The following ANKRD44 variants were observed in gnomAD, a reference collection of about 807,000 sequenced individuals.
ANKRD44 encodes the protein ankyrin repeat domain 44.
ANKRD44 carries 35 observed loss-of-function variants against 116.0 expected under a neutral mutation model. The ratio of observed to expected loss-of-function variants is 0.30; its 90% confidence interval spans 0.23 to 0.40. The LOEUF (loss-of-function observed/expected upper bound fraction) is 0.40, where lower values mean the gene tolerates loss of function less well. ANKRD44 is among the 10% of genes least tolerant of loss of function. The pLI is 1.00. For synonymous variants in ANKRD44, 435 were observed against 461.8 expected (o/e 0.94, Z 0.74); for missense variants, 1,014 against 1,242.6 (o/e 0.82, Z 2.77).
chr2:197,263,296 C>A, intron 1 of ANKRD44: 1 of 652,538 alleles, frequency 1.5e-6, no homozygotes, highest in South Asian at 1.5e-5. Context: ...TGGAAAGCAG[C>A]GCCATTTCAA....
At chr2:197,183,413 A>G (rs2080565334) in intron 2 of ANKRD44, among the ~76,000 whole-genome samples, 1 of 152,168 alleles carries the variant, frequency 6.6e-6, no homozygotes, top group South Asian at 2.1e-4. Flanking sequence ...TGACATTTAA[A>G]TACATGGTTA....
intron 1 of ANKRD44, among the ~76,000 whole-genome samples, chr2:197,298,752 A>G (rs2083802086): frequency 1.3e-5 from 2 of 152,240 alleles, no homozygotes; most frequent in African/African-American, 4.8e-5. Flanking sequence ...ACTCATCTCT[A>G]CTAAAAATAC....
intron 16 of ANKRD44, among the ~76,000 whole-genome samples, chr2:197,028,299 T>C (rs1030377655): frequency 6.6e-6 from 1 of 152,104 alleles, no homozygotes; most frequent in Non-Finnish European, 1.5e-5. Flanking sequence ...CATAGCTCAC[T>C]GCAGCCTTGA....
intron 2 of ANKRD44, among the ~76,000 whole-genome samples, chr2:197,175,549 T>C (rs2080344929): frequency 6.6e-6 from 1 of 152,196 alleles, no homozygotes; most frequent in South Asian, 2.1e-4. Flanking sequence ...ATTTAGTATG[T>C]ACTAGTGTCA....
rs1309342721 is a variant in ANKRD44 at position 196,988,943 on chromosome 2, C to A, written c.*648G>T. 1 of 985,294 alleles carries A rather than the reference C, an allele frequency of 1.0e-6. No homozygotes were observed. The highest frequency in any genetic ancestry group is 1.1e-4 in the East Asian group (1 of 8,826). The allele number at this position is 985,294 out of a possible 1,614,324, so 61.0% of individuals were successfully genotyped here. ...ACTACACATCTGAGTTTTCATCTCG[C>A]AGAAGGGCATCCAGACTGCAATGTC... On this transcript the variant is annotated 3_prime_UTR_variant, in exon 28 of 28. Coordinates refer to ENST00000282272, the MANE Select transcript of ANKRD44 (RefSeq NM_001195144.2).
In ANKRD44 at chr2:196,987,082, T is replaced by A. The variant is rs1055018772; in HGVS notation, c.*2509A>T. Reference sequence around the variant, plus strand: ...CCAAATAAAAGATATTTGCATTGAATTTTTAGATCACATAAGAAACGCATA... The same window carrying A: ...CCAAATAAAAGATATTTGCATTGAAATTTTAGATCACATAAGAAACGCATA... On this transcript the variant is annotated 3_prime_UTR_variant, in exon 28 of 28. Coordinates refer to ENST00000282272, the MANE Select transcript of ANKRD44 (RefSeq NM_001195144.2). The A allele has an allele frequency of 3.0e-6, 3 of 984,780 alleles. No individual in the cohort carries two copies. The African/African-American group carries it at 5.2e-5, about 17-fold the overall frequency. 61.0% of individuals were successfully genotyped at this position (984,780 alleles called of 1,614,324 possible).
chr2:197,211,842 G>A (rs921934578), intron 1 of ANKRD44, among the ~76,000 whole-genome samples: 7 of 151,756 alleles, frequency 4.6e-5, no homozygotes, highest in Middle Eastern at 3.2e-3. Context: ...AGCAGGAGAC[G>A]ACGCAGCACA....
intron 7 of ANKRD44, 92 bp downstream of exon 7, chr2:197,122,558 C>A: frequency 1.4e-6 from 2 of 1,481,408 alleles, no homozygotes; most frequent in Non-Finnish European, 9.0e-7. Context: ...TTCCCCTGCC[C>A]TTGAATTAAA....
At chr2:197,042,886 T>G (rs949713275) in intron 16 of ANKRD44, among the ~76,000 whole-genome samples, 3 of 152,178 alleles carry the variant, frequency 2.0e-5, no homozygotes, top group Non-Finnish European at 4.4e-5. Context: ...CATATAAAAC[T>G]CACTGCAGTT....
intron 17 of ANKRD44, chr2:197,016,161 G>GT (rs1431126243): frequency 3.3e-6 from 1 of 304,226 alleles, no homozygotes. Context: ...AGTCAGAAAA[G>GT]TTACCGCAGC....
chr2:197,281,021 C>CT lies in ANKRD44; in HGVS notation c.27+29556dup, dbSNP rs756104112. Among the ~76,000 whole-genome samples the CT allele has an allele frequency of 6.2e-3, 908 of 146,818 alleles. 3 individuals are homozygous for CT. Among genetic ancestry groups the CT allele is most frequent in the South Asian group, 7.8e-3 (36 of 4,640 alleles). ...CTTTATATTAAAATCTTAAGCTCTG[C>CT]TTTTTTTTTTTGAGATATGTCTTGC... On this transcript the variant is annotated intron_variant, in intron 1 of 27. Transcript: ENST00000282272.
intron 1 of ANKRD44, among the ~76,000 whole-genome samples, chr2:197,268,206 T>C (rs2082791177): frequency 6.6e-6 from 1 of 152,242 alleles, no homozygotes; most frequent in South Asian, 2.1e-4. Context: ...AGCCCTTCTA[T>C]GCCCAGCTTC....
chr2:197,184,334 C>A (rs1196633799), intron 2 of ANKRD44, among the ~76,000 whole-genome samples: 1 of 152,146 alleles, frequency 6.6e-6, no homozygotes, highest in Non-Finnish European at 1.5e-5. Flanking sequence ...TAATTCCAAG[C>A]TGACCCATAA....
At chr2:197,288,642 C>T (rs1159449531) in intron 1 of ANKRD44, among the ~76,000 whole-genome samples, 5 of 151,680 alleles carry the variant, frequency 3.3e-5, no homozygotes, top group African/African-American at 7.3e-5. Flanking sequence ...CACATACACA[C>T]GTGATATATA....
chr2:197,015,584 G>A (rs945674857), intron 17 of ANKRD44: 14 of 530,554 alleles, frequency 2.6e-5, no homozygotes, highest in Non-Finnish European at 4.2e-5. Flanking sequence ...GGAGATGGAG[G>A]AAGTAATTTT....
At chr2:197,086,779 G>C in intron 12 of ANKRD44, 31 bp from the exon 13 acceptor site, 4 of 1,603,130 alleles carry the variant, frequency 2.5e-6, no homozygotes, top group Non-Finnish European at 3.4e-6. Context: ...TCATTAAGAT[G>C]GAAGAGATCA....
At position 197,006,239 on chromosome 2, in the gene ANKRD44, G is replaced by A. The variant is rs184155857; in HGVS notation, c.2131-329C>T. Among the ~76,000 whole-genome samples, 293 of 152,032 alleles carry A rather than the reference G, an allele frequency of 1.9e-3. 5 individuals are homozygous for A. The highest frequency in any genetic ancestry group is 0.016 in the Admixed American group (238 of 15,282). On this transcript the variant is annotated intron_variant, in intron 20 of 27. Transcript: ENST00000282272. Reference sequence around the variant, plus strand: ...AGGAGGATCACTAGGTCAGGAGATCGAGACCATCCTGGCTAACATGGTGAA... The same window carrying A: ...AGGAGGATCACTAGGTCAGGAGATCAAGACCATCCTGGCTAACATGGTGAA...
intron 25 of ANKRD44, among the ~76,000 whole-genome samples, chr2:196,996,095 G>A (rs2076006778): frequency 6.6e-6 from 1 of 152,124 alleles, no homozygotes; most frequent in African/African-American, 2.4e-5. Context: ...CCCTTTTAAG[G>A]GGTTATGGCT....
chr2:197,276,638 T>C (rs1422721818), intron 1 of ANKRD44, among the ~76,000 whole-genome samples: 2 of 152,206 alleles, frequency 1.3e-5, no homozygotes, highest in African/African-American at 4.8e-5. Flanking sequence ...TATTTTCATG[T>C]TGTTTCTCCT....
Sources: allele counts gnomAD v4.1 joint callset (sites outside exome capture counted in the v4.1 genomes callset), GRCh38; gene constraint gnomAD v4.1.1; transcripts MANE v1.5; gene names NCBI Gene and HGNC (gene_info 2026-07-23, HGNC 2026-07-21).